Variants in TENM4 observed in about 807,000 individuals in gnomAD.
TENM4 encodes the protein teneurin-4.
A neutral mutation model predicts 243.3 loss-of-function variants in TENM4; 82 were observed. That is an observed-to-expected ratio of 0.34 (90% CI 0.28 to 0.40). The LOEUF (loss-of-function observed/expected upper bound fraction) is 0.40. Among genes scored for constraint, TENM4 ranks in the 10% least tolerant of loss-of-function variants. The probability of loss-of-function intolerance (pLI) is 1.00; values close to 1 mark genes in which losing one functional copy is unlikely to be tolerated. For synonymous variants in TENM4, 1,412 were observed against 1,456.3 expected (o/e 0.97, Z 0.69); for missense variants, 3,138 against 3,673.3 (o/e 0.85, Z 3.77).
In TENM4 at chr11:78,979,725, T is replaced by C. The variant is rs1201401353; in HGVS notation, c.494-76202A>G. On this transcript the variant is annotated intron_variant, in intron 6 of 33. Transcript: ENST00000278550. Reference sequence around the variant, plus strand: ...AAGTTGGGAGCAGAGATAGGGATGGTGGTAAACAAATGACTGAGGAGACAG... The same window carrying C: ...AAGTTGGGAGCAGAGATAGGGATGGCGGTAAACAAATGACTGAGGAGACAG... Among the ~76,000 whole-genome samples the C allele has an allele frequency of 2.7e-5, 4 of 149,116 alleles. No homozygotes were observed. The East Asian group carries it at 7.8e-4, about 29-fold the overall frequency.
chr11:79,204,623 G>A (rs1264840460), intron 3 of TENM4, among the ~76,000 whole-genome samples: 1 of 152,188 alleles, frequency 6.6e-6, no homozygotes, highest in Non-Finnish European at 1.5e-5. Context: ...CCATAGATAG[G>A]CTGATATACT....
At chr11:78,973,059 C>T (rs1857578300) in intron 6 of TENM4, among the ~76,000 whole-genome samples, 1 of 152,222 alleles carries the variant, frequency 6.6e-6, no homozygotes, top group African/African-American at 2.4e-5. Flanking sequence ...GGATATGCCA[C>T]ATTTTGTTAT....
chr11:78,917,811 G>T (rs1373573316), intron 6 of TENM4, among the ~76,000 whole-genome samples: 1 of 152,120 alleles, frequency 6.6e-6, no homozygotes, highest in Non-Finnish European at 1.5e-5. Context: ...GGGTGGCCTG[G>T]GTTTGAATCC....
Position 79,215,553 on chromosome 11 carries a change from C to T in TENM4, c.-163+255G>A, listed in dbSNP as rs192866607. ...ATACCTGCTAGATGCCCCATCCTTG[C>T]CCACCTTGCCCTCCCACCATGCTGG... On this transcript the variant is annotated intron_variant, in intron 3 of 33. Transcript: ENST00000278550. Among the ~76,000 whole-genome samples the T allele has an allele frequency of 8.5e-3, 1,293 of 152,270 alleles. 23 individuals carry two copies. Among genetic ancestry groups the T allele is most frequent in the African/African-American group, 0.03 (1,229 of 41,540 alleles).
At chr11:78,936,468 G>A (rs1856786807) in intron 6 of TENM4, among the ~76,000 whole-genome samples, 1 of 152,186 alleles carries the variant, frequency 6.6e-6, no homozygotes, top group African/African-American at 2.4e-5. Flanking sequence ...CTGTGTGCAT[G>A]TACCTGTGTT....
chr11:79,029,810 C>G (rs1859177306), intron 6 of TENM4, among the ~76,000 whole-genome samples: 1 of 152,148 alleles, frequency 6.6e-6, no homozygotes, highest in African/African-American at 2.4e-5. Context: ...GGGCTCTTCT[C>G]CAGGAAGCCC....
intron 2 of TENM4, among the ~76,000 whole-genome samples, chr11:79,243,440 T>G (rs1033133628): frequency 6.6e-6 from 1 of 152,132 alleles, no homozygotes; most frequent in African/African-American, 2.4e-5. Flanking sequence ...CAGAGGGCAA[T>G]GCTGAATTTA....
In TENM4 at chr11:78,727,177, G is replaced by A. The variant is rs181242788; in HGVS notation, c.3407-955C>T. ...TTAAAAGAAATTACGGGTTGGGCGC[G>A]GTGGCTCACGCCTGTAATCCCAGCA... is the stretch of plus-strand genomic sequence containing the variant. On this transcript the variant is annotated intron_variant, in intron 22 of 33. Coordinates refer to ENST00000278550, the MANE Select transcript of TENM4 (RefSeq NM_001098816.3). Among the ~76,000 whole-genome samples the A allele has an allele frequency of 4.7e-4, 72 of 152,234 alleles. No individual in the cohort carries two copies. The East Asian group carries it at 8.7e-3, about 18-fold the overall frequency.
At chr11:79,164,032 GTATA>G in intron 3 of TENM4, among the ~76,000 whole-genome samples, 1 of 97,162 alleles carries the variant, frequency 1.0e-5, no homozygotes, top group Non-Finnish European at 2.1e-5. Context: ...TATGTATATA[GTATA>G]TATACACTAT....
intron 4 of TENM4, among the ~76,000 whole-genome samples, chr11:79,099,334 C>T (rs1308117301): frequency 6.6e-6 from 1 of 152,128 alleles, no homozygotes; most frequent in Non-Finnish European, 1.5e-5. Flanking sequence ...GTGGAACATC[C>T]CATCCCATTG....
At position 79,070,899 on chromosome 11, in the gene TENM4, C is replaced by T. The variant is rs1239182257; in HGVS notation, c.-65-890G>A. On this transcript the variant is annotated intron_variant, in intron 4 of 33. Transcript: ENST00000278550. ...TCCTACTCTTAGTACACAAAAGTGC[C>T]CTTCCAGTTACTCAGAGAATGTCCC... Among the ~76,000 whole-genome samples, 3 of 152,150 alleles carry T rather than the reference C, an allele frequency of 2.0e-5. No individual in the cohort carries two copies. In the East Asian group the frequency reaches 5.8e-4, roughly 29 times the overall value.
chr11:79,337,251 A>G (rs1233442737), intron 1 of TENM4, among the ~76,000 whole-genome samples: 4 of 152,202 alleles, frequency 2.6e-5, no homozygotes, highest in Non-Finnish European at 5.9e-5. Context: ...CCCACATTAC[A>G]TTGGTCAGGG....
At position 79,386,303 on chromosome 11, in the gene TENM4, A is replaced by G. The variant is rs1813432050; in HGVS notation, c.-321+54206T>C. On this transcript the variant is annotated intron_variant, in intron 1 of 33. Transcript: ENST00000278550. ...CAAACCTAAATCTAAATGGTAAAACAATAAAGATTTTGCAAGAAAATGTAG... is the reference window on the plus strand; with the variant it reads ...CAAACCTAAATCTAAATGGTAAAACGATAAAGATTTTGCAAGAAAATGTAG... 2.6e-5 allele frequency among the ~76,000 whole-genome samples: 4 copies of G among 152,260 alleles called. No homozygotes were observed. In the South Asian group the frequency reaches 8.3e-4, roughly 32 times the overall value.
At chr11:78,810,340 A>G (rs1278895016) in intron 14 of TENM4, among the ~76,000 whole-genome samples, 1 of 152,180 alleles carries the variant, frequency 6.6e-6, no homozygotes, top group Admixed American at 6.5e-5. Flanking sequence ...TTTCTCTCTT[A>G]TAAATAACAC....
chr11:78,865,348 T>C (rs1858942609), intron 9 of TENM4, among the ~76,000 whole-genome samples: 1 of 152,124 alleles, frequency 6.6e-6, no homozygotes, highest in Non-Finnish European at 1.5e-5. Flanking sequence ...ACTCTTCCAA[T>C]CCTGAAAACA....
At chr11:79,025,450 A>G (rs546227346) in intron 6 of TENM4, among the ~76,000 whole-genome samples, 1 of 152,344 alleles carries the variant, frequency 6.6e-6, no homozygotes, top group East Asian at 1.9e-4. Context: ...TCTGTAGGAC[A>G]AGGATTATCA....
chr11:78,910,083 C>A (rs1302044816), intron 6 of TENM4, among the ~76,000 whole-genome samples: 2 of 152,198 alleles, frequency 1.3e-5, no homozygotes, highest in South Asian at 2.1e-4. Flanking sequence ...AAGCCATAAA[C>A]TTCCAGAGCT....
At chr11:78,686,861 C>A (rs1405538444) in intron 29 of TENM4, among the ~76,000 whole-genome samples, 1 of 152,136 alleles carries the variant, frequency 6.6e-6, no homozygotes, top group African/African-American at 2.4e-5. Flanking sequence ...GTTCTTGGAG[C>A]TCTTTGAAAG....
intron 3 of TENM4, among the ~76,000 whole-genome samples, chr11:79,203,772 C>T (rs1382379102): frequency 6.6e-6 from 1 of 152,118 alleles, no homozygotes; most frequent in African/African-American, 2.4e-5. Flanking sequence ...CCTGTATGTC[C>T]AAAGGGCTGA....
Sources: gnomAD v4.1 joint callset for allele counts (sites outside exome capture counted in the v4.1 genomes callset) on GRCh38, gnomAD v4.1.1 for gene constraint, MANE v1.5 for transcripts, NCBI Gene and HGNC (gene_info 2026-07-23, HGNC 2026-07-21) for gene names.